Variants in DLGAP4 observed in about 807,000 individuals in gnomAD.
DLGAP4 encodes disks large-associated protein 4.
DLGAP4 carries 18 observed loss-of-function variants against 86.9 expected under a neutral mutation model. The ratio of observed to expected loss-of-function variants is 0.21; its 90% CI spans 0.14 to 0.31. DLGAP4 has a LOEUF of 0.31. Among genes scored for constraint, DLGAP4 ranks in the 10% least tolerant of loss-of-function variants. The probability of loss-of-function intolerance (pLI) is 1.00; values close to 1 mark genes in which losing one functional copy is unlikely to be tolerated. For missense variants in DLGAP4, 1,085 were observed against 1,362.6 expected (o/e 0.80, Z 3.21); for synonymous variants, 548 against 574.3 (o/e 0.95, Z 0.65).
At chr20:36,523,419 C>T (rs2147863141) in intron 10 of DLGAP4, among the ~76,000 whole-genome samples, 1 of 152,278 alleles carries the variant, frequency 6.6e-6, no homozygotes, top group Admixed American at 6.5e-5. Context: ...TTTGCTTATA[C>T]TTTAAGACTT....
chr20:36,364,767 C>T (rs968150505), intron 1 of DLGAP4, among the ~76,000 whole-genome samples: 1 of 152,176 alleles, frequency 6.6e-6, no homozygotes, highest in South Asian at 2.1e-4. Flanking sequence ...TGGCCCGGAC[C>T]CAAGAGACTG....
At chr20:36,469,603 A>C (rs531017441) in intron 7 of DLGAP4, among the ~76,000 whole-genome samples, 9 of 152,188 alleles carry the variant, frequency 5.9e-5, no homozygotes, top group African/African-American at 2.2e-4. Flanking sequence ...AAATACAAAA[A>C]TTAGCCGAGC....
intron 1 of DLGAP4, among the ~76,000 whole-genome samples, chr20:36,334,080 G>T (rs2065297174): frequency 6.6e-6 from 1 of 152,238 alleles, no homozygotes; most frequent in Non-Finnish European, 1.5e-5. Flanking sequence ...AGCTCTGTGT[G>T]CCAGGCACAG....
chr20:36,523,837 T>C (rs2037533083), intron 10 of DLGAP4, among the ~76,000 whole-genome samples: 1 of 152,072 alleles, frequency 6.6e-6, no homozygotes, highest in Admixed American at 6.6e-5. Context: ...CTAATTTTCA[T>C]ATATTTGTAG....
intron 1 of DLGAP4, among the ~76,000 whole-genome samples, chr20:36,359,352 C>A (rs1320212017): frequency 1.3e-5 from 2 of 152,254 alleles, no homozygotes; most frequent in Non-Finnish European, 2.9e-5. Context: ...AGTAGCCACA[C>A]GTGGCTCACG....
intron 2 of DLGAP4, among the ~76,000 whole-genome samples, chr20:36,404,723 G>T (rs987646249): frequency 1.3e-5 from 2 of 151,886 alleles, no homozygotes; most frequent in Admixed American, 1.3e-4. Flanking sequence ...TAGCCCACGG[G>T]AGATGTTTAC....
At chr20:36,524,415 G>A (rs1349674059) in intron 11 of DLGAP4, 74 bp downstream of exon 11, 18 of 1,325,666 alleles carry the variant, frequency 1.4e-5, no homozygotes, top group Middle Eastern at 2.1e-4. Context: ...CCAGCCCCTC[G>A]AAGCCTCTGT....
At chr20:36,515,925 G>A (rs1274182035) in intron 10 of DLGAP4, among the ~76,000 whole-genome samples, 1 of 152,238 alleles carries the variant, frequency 6.6e-6, no homozygotes, top group East Asian at 1.9e-4. Context: ...AGATAGTGAT[G>A]GTGGAGCCAC....
intron 2 of DLGAP4, among the ~76,000 whole-genome samples, chr20:36,415,441 C>T (rs764085027): frequency 2.0e-4 from 31 of 152,286 alleles, no homozygotes; most frequent in East Asian, 1.2e-3. Flanking sequence ...AGACAGTGCC[C>T]GGCCCTGTCT....
intron 7 of DLGAP4, among the ~76,000 whole-genome samples, chr20:36,469,217 C>A (rs575278449): frequency 2.8e-4 from 43 of 152,246 alleles, no homozygotes; most frequent in African/African-American, 8.9e-4. Context: ...GAAACACTGA[C>A]AGACAGAGCT....
intron 10 of DLGAP4, chr20:36,508,062 G>A (rs950881544): frequency 9.9e-5 from 15 of 152,200 alleles, no homozygotes; most frequent in African/African-American, 3.6e-4. Flanking sequence ...AGCCCTGGAA[G>A]TCACGTAGTA....
chr20:36,485,472 C>T (rs2035370564), intron 7 of DLGAP4, among the ~76,000 whole-genome samples: 1 of 152,158 alleles, frequency 6.6e-6, no homozygotes, highest in Non-Finnish European at 1.5e-5. Flanking sequence ...AGCTGTGAGC[C>T]AGAAAGGGTT....
intron 2 of DLGAP4, among the ~76,000 whole-genome samples, chr20:36,377,414 C>A (rs1377501233): frequency 6.6e-6 from 1 of 152,198 alleles, no homozygotes; most frequent in African/African-American, 2.4e-5. Context: ...ATAACAGCAG[C>A]CCCCATCTTA....
At chr20:36,357,757 G>A (rs1384616216) in intron 1 of DLGAP4, among the ~76,000 whole-genome samples, 1 of 152,224 alleles carries the variant, frequency 6.6e-6, no homozygotes, top group Non-Finnish European at 1.5e-5. Context: ...CCCTGAGAGT[G>A]CGGAATAGAA....
chr20:36,461,733 C>T (rs2034074651), intron 7 of DLGAP4: 1 of 882,840 alleles, frequency 1.1e-6, no homozygotes, highest in Non-Finnish European at 1.3e-6. Context: ...CCCCGTCTGT[C>T]CGTCCGTCCG....
intron 7 of DLGAP4, among the ~76,000 whole-genome samples, chr20:36,495,606 G>A (rs2035854109): frequency 6.6e-6 from 1 of 152,242 alleles, no homozygotes. Context: ...GGCCTTTGGT[G>A]TTCTGGGCTC....
intron 7 of DLGAP4, among the ~76,000 whole-genome samples, chr20:36,490,739 C>T (rs575521705): frequency 2.0e-5 from 3 of 152,306 alleles, no homozygotes; most frequent in South Asian, 2.1e-4. Context: ...GCATGAGGCC[C>T]GTGTTAGGCC....
intron 2 of DLGAP4, among the ~76,000 whole-genome samples, chr20:36,378,426 A>T (rs1283102322): frequency 1.3e-5 from 2 of 152,200 alleles, no homozygotes; most frequent in African/African-American, 4.8e-5. Context: ...CTAGCACTTA[A>T]TATGGGCTCA....
Position 36,499,606 on chromosome 20 carries a change from G to A in DLGAP4, c.2029G>A (p.Val677Met). 1 of 1,614,060 alleles carries A rather than the reference G, an allele frequency of 6.2e-7. No homozygotes were observed. Among genetic ancestry groups the A allele is most frequent in the South Asian group, 1.1e-5 (1 of 91,032 alleles). Residue 677 changes from valine (V) to methionine (M), a missense_variant, in exon 9 of 13, where the codon GTG becomes ATG. This residue lies in a region of DLGAP4 where 1,082 missense variants were observed against 1,344.1 expected (regional missense o/e 0.81). Coordinates refer to ENST00000339266, the MANE Select transcript of DLGAP4 (RefSeq NM_001365621.2). Reference sequence around the variant, plus strand: ...CAATAAGGTTGACTGCATTCAGCCAGTGCCAAAAGAGGAGCCCAGTCCCGC... The same window carrying A: ...CAATAAGGTTGACTGCATTCAGCCAATGCCAAAAGAGGAGCCCAGTCCCGC... ...IGIQVDCIQP[V>M]PKEEPSPATK... is the part of the protein sequence containing the mutation.
Sources: allele counts gnomAD v4.1 joint callset (sites outside exome capture counted in the v4.1 genomes callset), GRCh38; gene constraint gnomAD v4.1.1; regional missense constraint gnomAD v4.1.1; transcripts MANE v1.5; gene names NCBI Gene and HGNC (gene_info 2026-07-23, HGNC 2026-07-21).